Variants in ADAMTS2 observed in about 807,000 individuals in gnomAD.
ADAMTS2 encodes A disintegrin and metalloproteinase with thrombospondin motifs 2.
Under a neutral mutation model 123.0 loss-of-function variants are expected in ADAMTS2, and 50 were observed. The ratio of observed to expected loss-of-function variants is 0.41; its 90% CI spans 0.32 to 0.51. The LOEUF (loss-of-function observed/expected upper bound fraction) is 0.51, where lower values mean the gene tolerates loss of function less well. ADAMTS2 is among the 20% of genes least tolerant of loss of function. ADAMTS2 has a pLI of 0.35. For missense variants in ADAMTS2, 1,494 were observed against 1,705.2 expected (o/e 0.88, Z 2.18); for synonymous variants, 678 against 695.4 (o/e 0.98, Z 0.39).
chr5:179,201,631 C>CAAAAAAAAAA (rs58141791), intron 4 of ADAMTS2, among the ~76,000 whole-genome samples: 50 of 91,622 alleles, frequency 5.5e-4, no homozygotes, highest in African/African-American at 1.5e-3. Flanking sequence ...ACTAAAAATA[C>CAAAAAAAAAA]AAAAAAAAAA....
At chr5:179,165,799 G>A (rs1222309125) in intron 5 of ADAMTS2, among the ~76,000 whole-genome samples, 2 of 152,194 alleles carry the variant, frequency 1.3e-5, no homozygotes, top group Non-Finnish European at 2.9e-5. Flanking sequence ...CCCAGGTCCA[G>A]CCTAGGGCCC....
chr5:179,222,462 G>A (rs1765148250), intron 3 of ADAMTS2, among the ~76,000 whole-genome samples: 1 of 152,216 alleles, frequency 6.6e-6, no homozygotes, highest in African/African-American at 2.4e-5. Context: ...ACCAGGAGGG[G>A]AGGGAGGGCC....
chr5:179,215,854 C>T (rs1034363545), intron 3 of ADAMTS2, among the ~76,000 whole-genome samples: 1 of 152,086 alleles, frequency 6.6e-6, no homozygotes, highest in Non-Finnish European at 1.5e-5. Context: ...AAGCAGCATT[C>T]GATGCAGGAA....
chr5:179,251,671 G>C (rs1765929108), intron 3 of ADAMTS2, among the ~76,000 whole-genome samples: 2 of 152,104 alleles, frequency 1.3e-5, no homozygotes, highest in South Asian at 4.1e-4. Flanking sequence ...ATGTGAGCCA[G>C]CAATTCTCCT....
Position 179,185,992 on chromosome 5 carries a change from C to G in ADAMTS2, c.892-4837G>C, listed in dbSNP as rs1561794355. 1.3e-5 allele frequency among the ~76,000 whole-genome samples: 2 copies of G among 152,120 alleles called. No homozygotes were observed. The highest frequency in any genetic ancestry group is 1.5e-5 in the Non-Finnish European group (1 of 68,014). On this transcript the variant is annotated intron_variant, in intron 4 of 21. Coordinates refer to ENST00000251582, the MANE Select transcript of ADAMTS2 (RefSeq NM_014244.5). The surrounding 1 kb of genome is among the most constrained non-coding windows in gnomAD (Gnocchi z 5.9). ...TGGTAGCCTTCAACTGTGGTGCGCT[C>G]TCCCTGATCCTCTCCCCAGGAAACC...
At position 179,227,127 on chromosome 5, in the gene ADAMTS2, G is replaced by GTA. The variant is rs1008021888; in HGVS notation, c.689-19414_689-19413dup. On this transcript the variant is annotated intron_variant, in intron 3 of 21. Transcript: ENST00000251582. ...TTTATATATGTGTGTGTACACATGT[G>GTA]TATATATATATACTTGTGTGTGCAC... 6.3e-4 allele frequency among the ~76,000 whole-genome samples: 96 copies of GTA among 152,222 alleles called. 1 individual carries two copies. The Middle Eastern group carries it at 0.014, about 22-fold the overall frequency.
Position 179,308,971 on chromosome 5 carries a change from A to G in ADAMTS2, c.534+34796T>C, listed in dbSNP as rs1581263198. Among the ~76,000 whole-genome samples the G allele has an allele frequency of 6.6e-6, 1 of 152,186 alleles. No homozygotes were observed. Among genetic ancestry groups the G allele is most frequent in the African/African-American group, 2.4e-5 (1 of 41,440 alleles). ...CCATGGTGAGGCCCTGGGTCCAGGG[A>G]AAGATACGAAGAGGGCTGAGGCGGG... On this transcript the variant is annotated intron_variant, in intron 2 of 21. Transcript: ENST00000251582. The surrounding 1 kb of genome is among the most constrained non-coding windows in gnomAD (Gnocchi z 6.6).
At chr5:179,267,486 G>C (rs1018283397) in intron 3 of ADAMTS2, among the ~76,000 whole-genome samples, 21 of 152,212 alleles carry the variant, frequency 1.4e-4, no homozygotes, top group African/African-American at 5.1e-4. Flanking sequence ...GTTGCTGTCT[G>C]ACTTCTCTTC....
chr5:179,120,136 A>G (rs1281135810), intron 21 of ADAMTS2: 1 of 152,130 alleles, frequency 6.6e-6, no homozygotes, highest in Non-Finnish European at 1.5e-5. Flanking sequence ...GGGCCCCCAA[A>G]AAGAGAAGGA....
chr5:179,120,508 C>G (rs1381990537), intron 21 of ADAMTS2: 1 of 152,048 alleles, frequency 6.6e-6, no homozygotes, highest in African/African-American at 2.4e-5. Flanking sequence ...ATTTACAGAA[C>G]GGCGGTCAGA....
chr5:179,199,040 C>T (rs184804813), intron 4 of ADAMTS2, among the ~76,000 whole-genome samples: 1 of 152,176 alleles, frequency 6.6e-6, no homozygotes, highest in African/African-American at 2.4e-5. Flanking sequence ...CCAGGGGGCA[C>T]ATGCAGGGCA....
intron 2 of ADAMTS2, among the ~76,000 whole-genome samples, chr5:179,320,932 T>C (rs1427105439): frequency 6.6e-6 from 1 of 151,896 alleles, no homozygotes; most frequent in African/African-American, 2.4e-5. Flanking sequence ...GAGAGTGAAA[T>C]CGACACAGAG....
chr5:179,154,832 G>T lies in ADAMTS2; in HGVS notation c.1220C>A (p.Ala407Asp). Residue 407 changes from alanine (A) to aspartate (D), a missense_variant, in exon 7 of 22, where the codon GCC becomes GAC. Transcript: ENST00000251582. ...EDGFSSAFVV[A>D]HETGHVLGME... ...CACTTACACGTGGCCAGTCTCATGG[G>T]CCACCACAAACGCTGAGGAGAAGCC... is the stretch of plus-strand genomic sequence containing the variant. 6.2e-7 allele frequency: 1 copy of T among 1,612,320 alleles called. No homozygotes were observed. The highest frequency in any genetic ancestry group is 8.5e-7 in the Non-Finnish European group (1 of 1,179,426).
chr5:179,207,473 C>CCCA, intron 4 of ADAMTS2, 40 bp downstream of exon 4: 2 of 938,202 alleles, frequency 2.1e-6, no homozygotes, highest in Non-Finnish European at 1.7e-6. Context: ...CCTGGTTGAC[C>CCCA]CTCCCCGCCC....
chr5:179,214,963 A>C (rs1376544580), intron 3 of ADAMTS2, among the ~76,000 whole-genome samples: 9 of 152,246 alleles, frequency 5.9e-5, no homozygotes, highest in Non-Finnish European at 8.8e-5. Flanking sequence ...TCCATCAAAT[A>C]ATTGTTAAAA....
intron 5 of ADAMTS2, among the ~76,000 whole-genome samples, chr5:179,166,553 C>G (rs550043434): frequency 6.6e-6 from 1 of 152,270 alleles, no homozygotes; most frequent in Non-Finnish European, 1.5e-5. Flanking sequence ...CCCCACGGGC[C>G]TCAGGGAACA....
chr5:179,190,221 TG>T (rs1764274625), intron 4 of ADAMTS2, among the ~76,000 whole-genome samples: 1 of 152,104 alleles, frequency 6.6e-6, no homozygotes, highest in African/African-American at 2.4e-5. Flanking sequence ...TGAAAATTTT[TG>T]GGGGTGATAT....
chr5:179,218,549 T>A (rs1429380528), intron 3 of ADAMTS2, among the ~76,000 whole-genome samples: 2 of 152,228 alleles, frequency 1.3e-5, no homozygotes, highest in Non-Finnish European at 2.9e-5. Flanking sequence ...CCCAGCCCTT[T>A]ATAACTTTAT....
intron 12 of ADAMTS2, among the ~76,000 whole-genome samples, chr5:179,137,252 G>A (rs1214761072): frequency 3.9e-5 from 6 of 152,186 alleles, no homozygotes; most frequent in Admixed American, 6.5e-5. Flanking sequence ...GTCCCAGGAG[G>A]GTCCCCAGCT....
Sources: gnomAD v4.1 joint callset for allele counts (sites outside exome capture counted in the v4.1 genomes callset) on GRCh38, gnomAD v4.1.1 for gene constraint, Gnocchi (gnomAD v3.1) non-coding constraint, MANE v1.5 for transcripts, NCBI Gene and HGNC (gene_info 2026-07-23, HGNC 2026-07-21) for gene names.